Variants in PHLPP1 observed in about 807,000 individuals in gnomAD.
The protein encoded by PHLPP1 is PH domain leucine-rich repeat-containing protein phosphatase 1.
A neutral mutation model predicts 117.2 loss-of-function variants in PHLPP1; 42 were observed. That is an observed-to-expected ratio of 0.36 (90% CI 0.28 to 0.46). The LOEUF (loss-of-function observed/expected upper bound fraction) is 0.46, where lower values mean the gene tolerates loss of function less well. Among genes scored for constraint, PHLPP1 ranks in the 20% least tolerant of loss-of-function variants. The pLI, the probability that PHLPP1 is intolerant of heterozygous loss-of-function variation, is 1.00. For synonymous variants in PHLPP1, 1,042 were observed against 970.7 expected (o/e 1.07, Z -1.37); for missense variants, 2,084 against 2,241.9 (o/e 0.93, Z 1.42).
chr18:62,979,350 A>C lies in PHLPP1; in HGVS notation c.5073A>C (p.Pro1691=). 6.5e-7 allele frequency: 1 copy of C among 1,548,156 alleles called. No individual in the cohort carries two copies. The highest frequency in any genetic ancestry group is 8.7e-7 in the Non-Finnish European group (1 of 1,143,656). Residue 1691 remains proline, a synonymous_variant, in exon 17 of 17, where the codon CCA becomes CCC. Transcript: ENST00000262719. ...AGCAACAGCAGCAGCAGCAGCCGCCACCACCCCCTCAGCTCCAGCCGCAGC... is the reference window on the plus strand; with the variant it reads ...AGCAACAGCAGCAGCAGCAGCCGCCCCCACCCCCTCAGCTCCAGCCGCAGC... ...HQEQQQQQQP[P]PPPQLQPQLP... is the part of the protein sequence containing the mutation.
At chr18:62,869,773 C>T (rs951503538) in intron 4 of PHLPP1, among the ~76,000 whole-genome samples, 5 of 152,206 alleles carry the variant, frequency 3.3e-5, no homozygotes, top group Non-Finnish European at 7.3e-5. Context: ...TTTGTTCTTT[C>T]TGTTGCTTTA....
At chr18:62,838,309 T>C (rs1318135522) in intron 2 of PHLPP1, 1 of 152,382 alleles carries the variant, frequency 6.6e-6, no homozygotes, top group East Asian at 1.9e-4. Flanking sequence ...AAATTTGATT[T>C]GACTGTATTT....
At chr18:62,904,260 C>G (rs1214892847) in intron 7 of PHLPP1, among the ~76,000 whole-genome samples, 1 of 152,190 alleles carries the variant, frequency 6.6e-6, no homozygotes, top group Non-Finnish European at 1.5e-5. Flanking sequence ...ACAGGGAATT[C>G]TGAACCCATA....
chr18:62,854,260 T>C (rs1316420589), intron 3 of PHLPP1, among the ~76,000 whole-genome samples: 1 of 152,270 alleles, frequency 6.6e-6, no homozygotes, highest in Non-Finnish European at 1.5e-5. Flanking sequence ...AGGCACTTTC[T>C]ATATATGCCT....
chr18:62,816,931 C>G lies in PHLPP1; in HGVS notation c.1577-13104C>G, dbSNP rs567667378. 2.0e-5 allele frequency among the ~76,000 whole-genome samples: 3 copies of G among 152,178 alleles called. No individual in the cohort carries two copies. The South Asian group carries it at 6.2e-4, about 32-fold the overall frequency. On this transcript the variant is annotated intron_variant, in intron 1 of 16. Coordinates refer to ENST00000262719, the MANE Select transcript of PHLPP1 (RefSeq NM_194449.4). ...CAAATCTATGAGGTTGTCTTGGGAA[C>G]TTTTAACTATTTAAGTATTTTAATA...
At chr18:62,750,188 A>G (rs1227282986) in intron 1 of PHLPP1, among the ~76,000 whole-genome samples, 1 of 152,164 alleles carries the variant, frequency 6.6e-6, no homozygotes, top group Non-Finnish European at 1.5e-5. Context: ...CATATAAATT[A>G]TGAGGGAGGG....
intron 10 of PHLPP1, among the ~76,000 whole-genome samples, chr18:62,923,166 C>G (rs1054783671): frequency 2.6e-5 from 4 of 152,174 alleles, no homozygotes; most frequent in Non-Finnish European, 4.4e-5. Flanking sequence ...CTACAGCCAG[C>G]TGCATTTTTG....
chr18:62,897,031 T>C (rs1175348951), intron 6 of PHLPP1, among the ~76,000 whole-genome samples: 2 of 152,224 alleles, frequency 1.3e-5, no homozygotes, highest in Non-Finnish European at 2.9e-5. Context: ...GCTTTCTAAA[T>C]TGTTAACATT....
intron 1 of PHLPP1, among the ~76,000 whole-genome samples, chr18:62,793,597 G>A (rs1913529106): frequency 6.6e-6 from 1 of 152,160 alleles, no homozygotes; most frequent in Admixed American, 6.5e-5. Context: ...TTAGTTAACA[G>A]TTATTGAGTG....
chr18:62,976,129 C>A (rs1436130528), intron 16 of PHLPP1, among the ~76,000 whole-genome samples: 2 of 152,180 alleles, frequency 1.3e-5, no homozygotes, highest in Non-Finnish European at 2.9e-5. Flanking sequence ...CATTTGAGTA[C>A]ACAGTAAGCA....
intron 10 of PHLPP1, among the ~76,000 whole-genome samples, chr18:62,924,423 C>T (rs2144430814): frequency 6.6e-6 from 1 of 152,162 alleles, no homozygotes; most frequent in Admixed American, 6.5e-5. Flanking sequence ...ATCAGAGAAG[C>T]ATGTGTTGTT....
intron 6 of PHLPP1, among the ~76,000 whole-genome samples, chr18:62,900,612 C>G (rs566773663): frequency 6.6e-6 from 1 of 151,358 alleles, no homozygotes; most frequent in Non-Finnish European, 1.5e-5. Flanking sequence ...AGTATAGGCA[C>G]GTGCCACCAT....
At position 62,715,696 on chromosome 18, in the gene PHLPP1, G is replaced by C. The variant is rs1910695898; in HGVS notation, c.13G>C (p.Ala5Pro). 1.5e-6 allele frequency: 2 copies of C among 1,290,542 alleles called. No individual in the cohort carries two copies. Among genetic ancestry groups the C allele is most frequent in the Non-Finnish European group, 2.0e-6 (2 of 1,016,752 alleles). The allele number at this position is 1,290,542 out of a possible 1,614,324, so 79.9% of individuals were successfully genotyped here. A position where few individuals can be genotyped will look rare whatever the true frequency, so the allele number is the denominator to read the frequency against. MEPAAAATVQRLPEL... is the reference protein window; with the variant it reads MEPAPAATVQRLPEL... ...AAGCCCCACTGCAATGGAGCCCGCC[G>C]CCGCGGCCACGGTACAGCGACTCCC... The change falls in exon 1 of 17, where the codon GCC becomes CCC. Residue 5 changes from alanine to proline, a missense_variant. Physicochemically the swap from Ala to Pro is conservative, Grantham distance 27 (BLOSUM62 -1). Around this residue, in one of 2 missense-constraint regions of PHLPP1, gnomAD observed 719 missense variants for 636.0 expected, o/e 1.13. Coordinates refer to ENST00000262719, the MANE Select transcript of PHLPP1 (RefSeq NM_194449.4).
chr18:62,819,462 A>T lies in PHLPP1; in HGVS notation c.1577-10573A>T, dbSNP rs190355594. Among the ~76,000 whole-genome samples the T allele has an allele frequency of 4.9e-3, 753 of 152,350 alleles. 7 individuals are homozygous for T. Among genetic ancestry groups the T allele is most frequent in the African/African-American group, 0.017 (711 of 41,578 alleles). ...ACAAAACAAGGCATAAAATGAGTAA[A>T]AACAAAGAACAGATGGGATAAGTAG... On this transcript the variant is annotated intron_variant, in intron 1 of 16. Transcript: ENST00000262719.
chr18:62,755,180 G>A (rs987463313), intron 1 of PHLPP1, among the ~76,000 whole-genome samples: 4 of 152,166 alleles, frequency 2.6e-5, no homozygotes, highest in Admixed American at 2.0e-4. Flanking sequence ...ATAGATAGAT[G>A]ATCATTATAA....
intron 14 of PHLPP1, among the ~76,000 whole-genome samples, chr18:62,967,893 C>T (rs930246738): frequency 4.0e-5 from 6 of 151,534 alleles, no homozygotes; most frequent in African/African-American, 9.7e-5. Flanking sequence ...GGCACGATCT[C>T]GGTTCACCGC....
intron 1 of PHLPP1, among the ~76,000 whole-genome samples, chr18:62,722,414 G>T (rs1417277121): frequency 1.3e-5 from 2 of 152,116 alleles, no homozygotes; most frequent in Non-Finnish European, 2.9e-5. Context: ...ATAGAAAAAC[G>T]ATTCCTTTAA....
chr18:62,759,758 T>C (rs1385842276), intron 1 of PHLPP1, among the ~76,000 whole-genome samples: 1 of 152,238 alleles, frequency 6.6e-6, no homozygotes, highest in Non-Finnish European at 1.5e-5. Context: ...GAGCGGGTTT[T>C]GCCTGAGCAT....
Position 62,742,222 on chromosome 18 carries a change from C to A in PHLPP1, c.1576+24963C>A, listed in dbSNP as rs192679320. On this transcript the variant is annotated intron_variant, in intron 1 of 16. Transcript: ENST00000262719. ...AGAGAAAAGGAAGATAAAAGTAACGCGGTCTTTTCTATAATCTGAACACAC... is the reference window on the plus strand; with the variant it reads ...AGAGAAAAGGAAGATAAAAGTAACGAGGTCTTTTCTATAATCTGAACACAC... Among the ~76,000 whole-genome samples, 280 of 152,236 alleles carry A rather than the reference C, an allele frequency of 1.8e-3. 5 individuals carry two copies. The highest frequency in any genetic ancestry group is 3.8e-4 in the Non-Finnish European group (26 of 68,014).
Sources: gnomAD v4.1 joint callset for allele counts (sites outside exome capture counted in the v4.1 genomes callset) on GRCh38, gnomAD v4.1.1 for gene constraint, gnomAD v4.1.1 regional missense constraint, MANE v1.5 for transcripts, NCBI Gene and HGNC (gene_info 2026-07-23, HGNC 2026-07-21) for gene names.